Variants in OGFOD3 observed in about 807,000 individuals in gnomAD.
The protein encoded by OGFOD3 is 2-oxoglutarate and iron dependent oxygenase domain containing 3.
In OGFOD3, 35 loss-of-function variants were observed where a neutral mutation model predicts 39.8. The ratio of observed to expected loss-of-function variants is 0.88; its 90% CI spans 0.67 to 1.17. OGFOD3 has a LOEUF of 1.17. Among genes scored for constraint, OGFOD3 ranks in the 50% most tolerant of loss-of-function variants. The pLI is 0.00. For missense variants in OGFOD3, 438 were observed against 454.5 expected (o/e 0.96, Z 0.33); for synonymous variants, 200 against 192.0 (o/e 1.04, Z -0.34).
intron 7 of OGFOD3, 112 bp downstream of exon 7, chr17:82,403,825 C>T (rs1468612027): frequency 3.5e-6 from 5 of 1,436,532 alleles, no homozygotes; most frequent in African/African-American, 1.4e-5. Context: ...CCCACGGGCA[C>T]GCTCACCTTG....
chr17:82,409,194 C>T (rs571561104), intron 4 of OGFOD3, among the ~76,000 whole-genome samples, 174 bp downstream of exon 4: 1 of 152,342 alleles, frequency 6.6e-6, no homozygotes, highest in East Asian at 1.9e-4. Flanking sequence ...GGACGCCGCA[C>T]GGGTTTCAGT....
At chr17:82,395,775 C>G in intron 8 of OGFOD3, among the ~76,000 whole-genome samples, 1 of 152,224 alleles carries the variant, frequency 6.6e-6, no homozygotes, top group East Asian at 1.9e-4. Flanking sequence ...GAGCCGAGAT[C>G]GCACCACTGC....
chr17:82,392,742 AG>A lies in OGFOD3; in HGVS notation c.824-209del, dbSNP rs1208211061. ...GCAATGCTCAGGGGCCCTGTGGCGGAGGAGGGGCCCCCCGGGGCCAGCAGGG... is the reference window on the plus strand; with the variant it reads ...GCAATGCTCAGGGGCCCTGTGGCGGAGAGGGGCCCCCCGGGGCCAGCAGGG... On this transcript the variant is annotated intron_variant, in intron 8 of 8. Coordinates refer to ENST00000313056, the MANE Select transcript of OGFOD3 (RefSeq NM_024648.3). The surrounding 1 kb of genome is among the most constrained non-coding windows in gnomAD (Gnocchi z 4.2). 6.2e-6 allele frequency: 4 copies of A among 644,516 alleles called. No individual in the cohort carries two copies. The Admixed American group carries it at 9.3e-5, about 15-fold the overall frequency. 39.9% of individuals were successfully genotyped at this position (644,516 alleles called of 1,614,324 possible).
chr17:82,393,989 C>CTCTTTTT (rs2052631646), intron 8 of OGFOD3: 1 of 127,418 alleles, frequency 7.8e-6, no homozygotes, highest in Non-Finnish European at 1.7e-5. Context: ...CAGAAAAGGA[C>CTCTTTTT]TTTTTTTTTT....
chr17:82,393,302 C>T (rs1463580549), intron 8 of OGFOD3: 2 of 152,274 alleles, frequency 1.3e-5, no homozygotes, highest in African/African-American at 4.8e-5. Context: ...GTGACAATTT[C>T]ATTCCCCTTC....
At chr17:82,411,785 A>G (rs1455005205) in intron 2 of OGFOD3, 1 of 506,728 alleles carries the variant, frequency 2.0e-6, no homozygotes, top group Non-Finnish European at 3.5e-6. Context: ...AACCCTGGGA[A>G]AGTCACAGAA....
rs2052942908 is a variant in OGFOD3, at chr17:82,411,525, T to C, written c.310A>G (p.Thr104Ala). ...YDSHRRFEGC[T>A]PRKCGRGVTD... is the part of the protein sequence containing the mutation. The stretch of plus-strand genomic sequence containing the variant: ...ACACCTCTGCCGCACTTTCGGGGAG[T>C]GCAGCCTGTGAAGGGACAGCCAGGG... The change falls in exon 3 of 9, where the codon ACT becomes GCT. Residue 104 changes from threonine to alanine, a missense_variant. By Grantham distance (58) the Thr-to-Ala change is moderately conservative. Coordinates refer to ENST00000313056, the MANE Select transcript of OGFOD3 (RefSeq NM_024648.3). 2.5e-6 allele frequency: 4 copies of C among 1,613,734 alleles called. No individual in the cohort carries two copies. The Admixed American group carries it at 5.0e-5, about 20-fold the overall frequency.
chr17:82,412,979 G>C (rs2052976074), intron 2 of OGFOD3, among the ~76,000 whole-genome samples: 1 of 152,210 alleles, frequency 6.6e-6, no homozygotes, highest in Non-Finnish European at 1.5e-5. Flanking sequence ...GGGATCACAA[G>C]GCACCGAGAT....
At position 82,390,881 on chromosome 17, in the gene OGFOD3, C is replaced by T. The variant is rs1231940789; in HGVS notation, c.*1517G>A. ...GGTCACCATGCCTCAGCTGGCCTCA[C>T]GCCCGCTCCTTCCCAGGGGTCACCA... On this transcript the variant is annotated 3_prime_UTR_variant, in exon 9 of 9. Transcript: ENST00000313056. The surrounding 1 kb of genome is among the most constrained non-coding windows in gnomAD (Gnocchi z 4.9). 1 of 146,028 alleles carries T rather than the reference C, an allele frequency of 6.8e-6. No homozygotes were observed. Among genetic ancestry groups the T allele is most frequent in the African/African-American group, 2.7e-5 (1 of 37,184 alleles). 9.0% of individuals were successfully genotyped at this position (146,028 alleles called of 1,614,324 possible). A position where few individuals can be genotyped will look rare whatever the true frequency, so the allele number is the denominator to read the frequency against.
Position 82,415,345 on chromosome 17 carries a change from A to G in OGFOD3, c.304+53T>C. ...AATTCCCACCCCTTCGTCGCAGCCA[A>G]TGTCCTTTAACCACACTGAGTCTCA... On this transcript the variant is annotated intron_variant, in intron 2 of 8. Transcript: ENST00000313056. This position sits in a 1 kb window ranked among gnomAD's most constrained non-coding sequence, Gnocchi z 5.3. 6.5e-7 allele frequency: 1 copy of G among 1,549,704 alleles called. No individual in the cohort carries two copies. Among genetic ancestry groups the G allele is most frequent in the Non-Finnish European group, 8.9e-7 (1 of 1,129,134 alleles).
chr17:82,411,343 G>A (rs2052939195), intron 3 of OGFOD3, 112 bp downstream of exon 3: 1 of 942,384 alleles, frequency 1.1e-6, no homozygotes, highest in Non-Finnish European at 1.6e-6. Flanking sequence ...CACCACGCCT[G>A]GCAATAAAAT....
At position 82,415,175 on chromosome 17, in the gene OGFOD3, A is replaced by G; in HGVS notation, c.304+223T>C. On this transcript the variant is annotated intron_variant, in intron 2 of 8. Transcript: ENST00000313056. This position sits in a 1 kb window ranked among gnomAD's most constrained non-coding sequence, Gnocchi z 5.3. ...CAAGGCAAACCATCTCCTCCGCTGGACCGCACAGCTTACTAAAACGCCAAC... is the reference window on the plus strand; with the variant it reads ...CAAGGCAAACCATCTCCTCCGCTGGGCCGCACAGCTTACTAAAACGCCAAC... 6.6e-6 allele frequency among the ~76,000 whole-genome samples: 1 copy of G among 152,154 alleles called. No homozygotes were observed. The highest frequency in any genetic ancestry group is 1.5e-5 in the Non-Finnish European group (1 of 68,034).
intron 6 of OGFOD3, 110 bp downstream of exon 6, chr17:82,405,214 C>CT (rs1242142721): frequency 1.1e-6 from 1 of 917,674 alleles, no homozygotes; most frequent in African/African-American, 1.7e-5. Flanking sequence ...AGGCCTGGCC[C>CT]TGGCCCCTGG....
chr17:82,403,361 G>A (rs1182272398), intron 7 of OGFOD3, among the ~76,000 whole-genome samples: 1 of 152,012 alleles, frequency 6.6e-6, no homozygotes, highest in African/African-American at 2.4e-5. Context: ...ACCGGGCATG[G>A]TGGCTCACAC....
chr17:82,417,409 G>C (rs2053077975), intron 1 of OGFOD3: 1 of 152,026 alleles, frequency 6.6e-6, no homozygotes, highest in African/African-American at 2.4e-5. Flanking sequence ...GCTTGAGGTT[G>C]AGAGTTCGAG....
chr17:82,411,163 C>T (rs1184696128), intron 3 of OGFOD3, among the ~76,000 whole-genome samples: 1 of 151,738 alleles, frequency 6.6e-6, no homozygotes, highest in Non-Finnish European at 1.5e-5. Context: ...TCTCCTGCCT[C>T]AGCCTCCTGA....
In OGFOD3 at chr17:82,415,383, G is replaced by A; in HGVS notation, c.304+15C>T. Reference sequence around the variant, plus strand: ...ACACTGAGTCTCATTTTAAAGTGTTGCTTTCCTGAACTACCTTCGAACCTG... The same window carrying A: ...ACACTGAGTCTCATTTTAAAGTGTTACTTTCCTGAACTACCTTCGAACCTG... On this transcript the variant is annotated intron_variant, in intron 2 of 8. Coordinates refer to ENST00000313056, the MANE Select transcript of OGFOD3 (RefSeq NM_024648.3). The surrounding 1 kb of genome is among the most constrained non-coding windows in gnomAD (Gnocchi z 5.3). 3 of 1,605,492 alleles carry A rather than the reference G, an allele frequency of 1.9e-6. No individual in the cohort carries two copies. The South Asian group carries it at 3.3e-5, about 18-fold the overall frequency.
Position 82,415,648 on chromosome 17 carries a change from A to G in OGFOD3, c.75-21T>C. ...TGGTGCTGAGAACAGAAAACAGGCC[A>G]CGTCACCCAAACACGGAGTGAGGCC... On this transcript the variant is annotated intron_variant, in intron 1 of 8. Transcript: ENST00000313056. This position sits in a 1 kb window ranked among gnomAD's most constrained non-coding sequence, Gnocchi z 5.3. The G allele has an allele frequency of 6.3e-7, 1 of 1,589,658 alleles. No homozygotes were observed.
At chr17:82,414,096 T>G (rs2052996323) in intron 2 of OGFOD3, among the ~76,000 whole-genome samples, 1 of 152,136 alleles carries the variant, frequency 6.6e-6, no homozygotes, top group Non-Finnish European at 1.5e-5. Context: ...CTATTAAACA[T>G]GGACTTCCAT....
Sources: gnomAD v4.1 joint callset for allele counts (sites outside exome capture counted in the v4.1 genomes callset) on GRCh38, gnomAD v4.1.1 for gene constraint, Gnocchi (gnomAD v3.1) non-coding constraint, MANE v1.5 for transcripts, NCBI Gene and HGNC (gene_info 2026-07-23, HGNC 2026-07-21) for gene names.